CDHR4: variants seen among roughly 807,000 people sequenced by gnomAD.
CDHR4 encodes cadherin related family member 4, also known as cadherin-related family member 4.
Under a neutral mutation model 88.4 loss-of-function variants are expected in CDHR4, and 89 were observed. The observed-to-expected ratio is 1.01, with a 90% CI of 0.85 to 1.20. CDHR4 has a LOEUF of 1.20. Among genes scored for constraint, CDHR4 ranks in the 50% most tolerant of loss-of-function variants. The probability of loss-of-function intolerance (pLI) is 0.00; values close to 1 mark genes in which losing one functional copy is unlikely to be tolerated. For synonymous variants in CDHR4, 368 were observed against 399.2 expected, an observed-to-expected ratio of 0.92 and a Z score of 0.93; for missense variants, 914 against 1,007.2, an observed-to-expected ratio of 0.91 and a Z score of 1.25.
chr3:49,799,456 T>G lies in CDHR4; in HGVS notation c.50-19A>C, dbSNP rs1437517502. On this transcript the variant is annotated intron_variant, in intron 1 of 18. Transcript: ENST00000412678. ...CAGAGGTCTGTGAAGAGCAGAGAAT[T>G]CAGGCTGGAGGCCCCCAGGCTGATG... 6 of 1,574,922 alleles carry G rather than the reference T, an allele frequency of 3.8e-6. No homozygotes were observed. In the African/African-American group the frequency reaches 5.4e-5, roughly 14 times the overall value.
intron 1 of CDHR4, 31 bp from the exon 2 acceptor site, chr3:49,799,468 C>T (rs1272904890): frequency 1.9e-6 from 3 of 1,556,202 alleles, no homozygotes; most frequent in South Asian, 1.2e-5. Context: ...AGGCTGGAGG[C>T]CCCCAGGCTG....
chr3:49,798,722 G>A lies in CDHR4; in HGVS notation c.495+104C>T, dbSNP rs762390741. 21 of 1,093,302 alleles carry A rather than the reference G, an allele frequency of 1.9e-5. No homozygotes were observed. The African/African-American group carries it at 2.7e-4, about 14-fold the overall frequency. The allele number at this position is 1,093,302 out of a possible 1,614,324, so 67.7% of individuals were successfully genotyped here. A position where few individuals can be genotyped will look rare whatever the true frequency, so the allele number is the denominator to read the frequency against. ...GTAGAGGCTCATCTATGCCTCTGCTGCAAGGTTCCTCTTCAGGCTGTGCCT... is the reference window on the plus strand; with the variant it reads ...GTAGAGGCTCATCTATGCCTCTGCTACAAGGTTCCTCTTCAGGCTGTGCCT... On this transcript the variant is annotated intron_variant, in intron 4 of 18. Transcript: ENST00000412678.
chr3:49,791,296 G>T, intron 18 of CDHR4, 145 bp downstream of exon 18: 2 of 868,914 alleles, frequency 2.3e-6, no homozygotes, highest in Non-Finnish European at 1.8e-6. Flanking sequence ...GCGGGGATGA[G>T]AGCAGACCCC....
At chr3:49,801,139 G>T (rs1017208435), upstream of CDHR4, among the ~76,000 whole-genome samples, 1 of 152,008 alleles carries the variant, frequency 6.6e-6, no homozygotes, top group African/African-American at 2.4e-5. Context: ...AATCAGGCTT[G>T]TCCCTCTCTA....
At chr3:49,798,776 C>A in intron 4 of CDHR4, 50 bp downstream of exon 4, 1 of 1,562,040 alleles carries the variant, frequency 6.4e-7, no homozygotes, top group South Asian at 1.1e-5. Context: ...TTATTCTCTC[C>A]ATCCCCCCAC....
chr3:49,790,934 C>T (rs1559721993), intron 18 of CDHR4, 47 bp from the exon 19 acceptor site: 2 of 1,453,952 alleles, frequency 1.4e-6, no homozygotes, highest in East Asian at 2.5e-5. Context: ...CTGCTGGCCC[C>T]AGAAGAACTG....
chr3:49,799,303 T>A lies in CDHR4; in HGVS notation c.184A>T (p.Thr62Ser), dbSNP rs143469719. Residue 62 changes from threonine (T) to serine (S), a missense_variant, in exon 2 of 19, where the codon ACC (threonine) becomes TCC (serine). Transcript: ENST00000412678. ...TLELLNVQPPTTFFNPPSLAR... is the reference protein window; with the variant it reads ...TLELLNVQPPSTFFNPPSLAR... ...AAGCTGGGTGGGTTGAAGAAGGTGG[T>A]GGGTGGCTGGACATTGAGCAACTCC... 656 of 1,613,790 alleles carry A rather than the reference T, an allele frequency of 4.1e-4. 4 individuals carry two copies. The East Asian group carries it at 0.013, about 32-fold the overall frequency.
chr3:49,794,754 A>T, intron 9 of CDHR4, 53 bp from the exon 10 acceptor site: 1 of 1,477,826 alleles, frequency 6.8e-7, no homozygotes, highest in Non-Finnish European at 9.2e-7. Context: ...GAGAGCCCTG[A>T]GCCACACGGG....
intron 1 of CDHR4, 56 bp downstream of exon 1, chr3:49,799,708 G>C (rs531964048): frequency 2.0e-4 from 321 of 1,572,880 alleles, no homozygotes; most frequent in Middle Eastern, 5.0e-4. Context: ...AGCTTATCTG[G>C]GAAGGGTCAG....
chr3:49,795,682 G>T lies in CDHR4; in HGVS notation c.793C>A (p.Leu265Met). 1 of 1,551,650 alleles carries T rather than the reference G, an allele frequency of 6.4e-7. No individual in the cohort carries two copies. The highest frequency in any genetic ancestry group is 8.7e-7 in the Non-Finnish European group (1 of 1,146,978). The change falls in exon 7 of 19, where the codon CTG becomes ATG. Residue 265 changes from leucine to methionine, a missense_variant. Physicochemically the swap from Leu to Met is conservative, Grantham distance 15 (BLOSUM62 2). Transcript: ENST00000412678. This position sits in a 1 kb window ranked among gnomAD's most constrained non-coding sequence, Gnocchi z 5.4. The stretch of plus-strand genomic sequence containing the variant: ...ACCGGAGACAGGATTTCATAGCGCA[G>T]GTCGACACCCCGGGCCTGGACCTGA... Reference protein sequence around the residue: ...VVQVQARGVDLRYEILSPVPS... With the variant: ...VVQVQARGVDMRYEILSPVPS...
upstream of CDHR4, among the ~76,000 whole-genome samples, chr3:49,800,064 A>G (rs1024601416): frequency 3.3e-5 from 5 of 152,110 alleles, no homozygotes; most frequent in African/African-American, 1.2e-4. Flanking sequence ...GAGGAGGATT[A>G]AGGTTCAGAT....
In CDHR4 at chr3:49,799,045, C is replaced by T. The variant is rs775989173; in HGVS notation, c.352G>A (p.Val118Met). ...TGGATATGGCTAAGGTCCCGCTGCA[C>T]ATCCACAGAGAGTGAGCCCTCCATC... ...HVMEGSLSVD[V>M]QRDLSHIQCA... The change falls in exon 3 of 19, where the codon GTG (valine) becomes ATG (methionine). Residue 118 changes from valine (V) to methionine (M), a missense_variant. By Grantham distance (21) the Val-to-Met change is conservative. Coordinates refer to ENST00000412678, the MANE Select transcript of CDHR4 (RefSeq NM_001007540.4). 4 of 1,598,656 alleles carry T rather than the reference C, an allele frequency of 2.5e-6. No homozygotes were observed. The South Asian group carries it at 4.5e-5, about 18-fold the overall frequency.
chr3:49,793,536 T>G, intron 12 of CDHR4, 47 bp downstream of exon 12: 1 of 1,546,056 alleles, frequency 6.5e-7, no homozygotes, highest in Non-Finnish European at 8.7e-7. Context: ...CAATCTGAAC[T>G]CCTGTCTTTC....
Position 49,792,546 on chromosome 3 carries a change from C to T in CDHR4, c.2060G>A (p.Trp687Ter), listed in dbSNP as rs756760769. The T allele has an allele frequency of 6.4e-7, 1 of 1,551,722 alleles. No homozygotes were observed. The highest frequency in any genetic ancestry group is 8.7e-7 in the Non-Finnish European group (1 of 1,146,996). The change falls in exon 15 of 19, where the codon TGG (tryptophan) becomes TAG (stop). Residue 687 changes from tryptophan to a stop codon, truncating the protein, a stop_gained. Coordinates refer to ENST00000412678, the MANE Select transcript of CDHR4 (RefSeq NM_001007540.4). LOFTEE classifies it high-confidence loss of function. ...DTEAFWQPQP[W>*]FVVVLTATGA... ...AGTTGCTGTCAACACCACCACAAAC[C>T]AGGGCTGTGGCTGCCAGAAAGCCTC...
Position 49,799,110 on chromosome 3 carries a change from TG to T in CDHR4, c.286del (p.His96ThrfsTer6). ...SAQLDALMVN[H>X]YKVQLKFTCG... ...TGTGAACTTCAGCTGCACCTTGTAG[TG>T]GTTCACCATCAGGGCATCCAACTGA... On this transcript the variant is annotated frameshift_variant, in exon 3 of 19. Coordinates refer to ENST00000412678, the MANE Select transcript of CDHR4 (RefSeq NM_001007540.4). LOFTEE classifies it high-confidence loss of function. The T allele has an allele frequency of 6.4e-7, 1 of 1,574,480 alleles. No homozygotes were observed. Among genetic ancestry groups the T allele is most frequent in the Non-Finnish European group, 8.6e-7 (1 of 1,159,596 alleles).
At chr3:49,790,920 G>C (rs1334913166) in intron 18 of CDHR4, 33 bp from the exon 19 acceptor site, 5 of 1,517,796 alleles carry the variant, frequency 3.3e-6, no homozygotes, top group African/African-American at 1.4e-5. Context: ...GAGAGCAGGG[G>C]GTGCTGCTGG....
In CDHR4 at chr3:49,793,295, G is replaced by A. The variant is rs973732284; in HGVS notation, c.1640C>T (p.Ala547Val). 1.3e-4 allele frequency: 195 copies of A among 1,551,370 alleles called. No individual in the cohort carries two copies. The highest frequency in any genetic ancestry group is 1.6e-4 in the Non-Finnish European group (187 of 1,146,992). The change falls in exon 13 of 19, where the codon GCC (alanine) becomes GTC (valine). Residue 547 changes from alanine (A) to valine (V), a missense_variant. Ala to Val is a moderately conservative substitution (Grantham distance 64). Coordinates refer to ENST00000412678, the MANE Select transcript of CDHR4 (RefSeq NM_001007540.4). Reference sequence around the variant, plus strand: ...CTGAAATGGGGGCTCACACTCGGGGGCATGGTCATTCACATCCTGCAGAAA... The same window carrying A: ...CTGAAATGGGGGCTCACACTCGGGGACATGGTCATTCACATCCTGCAGAAA... ...TIEVEDVNDH[A>V]PECEPPFQEL...
In CDHR4 at chr3:49,796,049, G is replaced by A; in HGVS notation, c.607-3C>T. The stretch of plus-strand genomic sequence containing the variant: ...ACTGAGATTTGCAGCTGGAAGACCT[G>A]TGGTGCACCCAGAACAGAAAAGGAG... On this transcript the variant is annotated splice_polypyrimidine_tract_variant and splice_region_variant and intron_variant, in intron 5 of 18. Coordinates refer to ENST00000412678, the MANE Select transcript of CDHR4 (RefSeq NM_001007540.4). 1.3e-6 allele frequency: 2 copies of A among 1,515,140 alleles called. No individual in the cohort carries two copies. Among genetic ancestry groups the A allele is most frequent in the Non-Finnish European group, 1.8e-6 (2 of 1,131,948 alleles). The allele number at this position is 1,515,140 out of a possible 1,614,324, so 93.9% of individuals were successfully genotyped here. A position where few individuals can be genotyped will look rare whatever the true frequency, so the allele number is the denominator to read the frequency against.
At chr3:49,790,956 C>G (rs2081169400) in intron 18 of CDHR4, 69 bp from the exon 19 acceptor site, 15 of 1,262,622 alleles carry the variant, frequency 1.2e-5, no homozygotes. Flanking sequence ...CTCCCTCCCC[C>G]TTACTTAAGG....
Sources: allele counts gnomAD v4.1 joint callset (sites outside exome capture counted in the v4.1 genomes callset), GRCh38; gene constraint gnomAD v4.1.1; non-coding constraint Gnocchi (gnomAD v3.1); transcripts MANE v1.5; gene names NCBI Gene and HGNC (gene_info 2026-07-23, HGNC 2026-07-21).